Variants in COBL observed in about 807,000 individuals in gnomAD.
COBL encodes the protein protein cordon-bleu.
Under a neutral mutation model 98.8 loss-of-function variants are expected in COBL, and 51 were observed. That is an observed-to-expected ratio of 0.52 (90% CI 0.41 to 0.65). COBL has a LOEUF of 0.65. Ranked by LOEUF, COBL falls within the 30% of genes least tolerant of loss-of-function variation. The pLI, the probability that COBL is intolerant of heterozygous loss-of-function variation, is 0.00. For synonymous variants in COBL, 634 were observed against 651.7 expected (o/e 0.97, Z 0.41); for missense variants, 1,617 against 1,617.5 (o/e 1.00, Z 0.01).
intron 6 of COBL, among the ~76,000 whole-genome samples, chr7:51,088,035 G>A: frequency 6.7e-6 from 1 of 148,400 alleles, no homozygotes; most frequent in East Asian, 2.0e-4. Flanking sequence ...GATCCAGAGT[G>A]GGGCTCAATC....
At chr7:51,268,640 C>T (rs755818644) in intron 1 of COBL, among the ~76,000 whole-genome samples, 56 of 152,052 alleles carry the variant, frequency 3.7e-4, no homozygotes, top group Non-Finnish European at 7.5e-4. Context: ...GTGTCTTTAT[C>T]AGGCTCCCCA....
intron 7 of COBL, among the ~76,000 whole-genome samples, chr7:51,060,871 G>A (rs1562858249): frequency 6.6e-6 from 1 of 152,152 alleles, no homozygotes; most frequent in Non-Finnish European, 1.5e-5. Context: ...TGTTGGCTGG[G>A]TGACTGACCC....
In COBL at chr7:51,025,312, C is replaced by G; in HGVS notation, c.3565G>C (p.Gly1189Arg). ...SFRDAALSAQ[G>R]SESPLLEDLG... ...TCTTCTAGCAGAGGACTTTCCGAGC[C>G]CTGAGCAGAGAGTGCGGCATCTCGG... The change falls in exon 12 of 13, where the codon GGC (glycine) becomes CGC (arginine). Residue 1189 changes from glycine to arginine, a missense_variant. Physicochemically the swap from Gly to Arg is moderately radical, Grantham distance 125. Coordinates refer to ENST00000265136, the MANE Select transcript of COBL (RefSeq NM_015198.5). 1 of 1,612,780 alleles carries G rather than the reference C, an allele frequency of 6.2e-7. No homozygotes were observed. Among genetic ancestry groups the G allele is most frequent in the Non-Finnish European group, 8.5e-7 (1 of 1,179,670 alleles).
At chr7:51,079,626 T>C (rs1401973029) in intron 7 of COBL, among the ~76,000 whole-genome samples, 1 of 152,176 alleles carries the variant, frequency 6.6e-6, no homozygotes, top group Non-Finnish European at 1.5e-5. Context: ...GAATTCCCAC[T>C]GGAGGGAGTG....
chr7:51,166,111 T>A lies in COBL; in HGVS notation c.783+17991A>T, dbSNP rs1163796801. 2.0e-5 allele frequency among the ~76,000 whole-genome samples: 3 copies of A among 151,274 alleles called. No homozygotes were observed. The East Asian group carries it at 5.8e-4, about 29-fold the overall frequency. On this transcript the variant is annotated intron_variant, in intron 5 of 12. Coordinates refer to ENST00000265136, the MANE Select transcript of COBL (RefSeq NM_015198.5). ...AATTAGTAGGAAAAAGAAATAATAA[T>A]CAGAGCAGAAATAAATGAAATTAAA...
rs760225879 is a variant in COBL at position 51,219,816 on chromosome 7, G to A, written c.170C>T (p.Ala57Val). Reference sequence around the variant, plus strand: ...GACGTCCATGGTGCTGGCCCTCAGCGCCTCCTTCATGCGAACCAAGTTCTG... The same window carrying A: ...GACGTCCATGGTGCTGGCCCTCAGCACCTCCTTCATGCGAACCAAGTTCTG... ...SQQNLVRMKE[A>V]LRASTMDVTV... The change falls in exon 2 of 13, where the codon GCG becomes GTG. Residue 57 changes from alanine (A) to valine (V), a missense_variant. By Grantham distance (64) the Ala-to-Val change is moderately conservative. Coordinates refer to ENST00000265136, the MANE Select transcript of COBL (RefSeq NM_015198.5). The A allele has an allele frequency of 3.7e-6, 6 of 1,613,966 alleles. No homozygotes were observed. Among genetic ancestry groups the A allele is most frequent in the African/African-American group, 1.3e-5 (1 of 74,916 alleles).
At chr7:51,204,707 C>T (rs563215533) in intron 2 of COBL, among the ~76,000 whole-genome samples, 39 of 152,148 alleles carry the variant, frequency 2.6e-4, no homozygotes, top group African/African-American at 8.2e-4. Flanking sequence ...TGCACCACCA[C>T]GCCCAGCTAA....
chr7:51,275,606 C>T (rs1584378957), intron 1 of COBL, among the ~76,000 whole-genome samples: 1 of 152,018 alleles, frequency 6.6e-6, no homozygotes, highest in South Asian at 2.1e-4. Context: ...GCCACCACCA[C>T]CACCGCCACT....
chr7:51,233,022 T>C (rs906943764), intron 1 of COBL, among the ~76,000 whole-genome samples: 1 of 152,168 alleles, frequency 6.6e-6, no homozygotes, highest in Non-Finnish European at 1.5e-5. Flanking sequence ...ATAATGGTCA[T>C]GACAAATAGT....
intron 2 of COBL, among the ~76,000 whole-genome samples, chr7:51,206,443 G>C (rs149146318): frequency 4.3e-4 from 64 of 147,322 alleles, no homozygotes; most frequent in African/African-American, 1.6e-3. Flanking sequence ...ACTGAGCCGA[G>C]ATCGCGCCAC....
At chr7:51,249,559 A>C (rs1334421329) in intron 1 of COBL, among the ~76,000 whole-genome samples, 1 of 152,134 alleles carries the variant, frequency 6.6e-6, no homozygotes, top group Non-Finnish European at 1.5e-5. Flanking sequence ...AAATTTTGTA[A>C]CTTCTCTTCT....
At chr7:51,043,869 G>A (rs1789441544) in intron 7 of COBL, among the ~76,000 whole-genome samples, 177 bp from the exon 8 acceptor site, 1 of 152,202 alleles carries the variant, frequency 6.6e-6, no homozygotes, top group African/African-American at 2.4e-5. Flanking sequence ...TTAACTCACA[G>A]GGAGTCATTT....
At chr7:51,141,072 T>G (rs1420542352) in intron 5 of COBL, among the ~76,000 whole-genome samples, 4 of 151,820 alleles carry the variant, frequency 2.6e-5, no homozygotes, top group South Asian at 2.1e-4. Context: ...CACAATACAC[T>G]TCCAGGGACA....
At chr7:51,065,061 C>T (rs1281894984) in intron 7 of COBL, 9 of 639,262 alleles carry the variant, frequency 1.4e-5, no homozygotes, top group African/African-American at 5.4e-5. Flanking sequence ...TCAGGAGGAA[C>T]ATTTAGAAGT....
chr7:51,224,048 T>A (rs999572306), intron 1 of COBL, among the ~76,000 whole-genome samples: 1 of 152,228 alleles, frequency 6.6e-6, no homozygotes, highest in African/African-American at 2.4e-5. Context: ...CTTACTATTG[T>A]GTTACACTTG....
intron 8 of COBL, chr7:51,034,138 G>C (rs987866871): frequency 2.0e-5 from 3 of 152,540 alleles, no homozygotes; most frequent in Non-Finnish European, 4.4e-5. Context: ...AGGTTGCCCC[G>C]GACGCTGCTG....
At chr7:51,293,430 A>G (rs977413382) in intron 1 of COBL, among the ~76,000 whole-genome samples, 4 of 152,256 alleles carry the variant, frequency 2.6e-5, no homozygotes, top group Admixed American at 6.5e-5. Context: ...AGGGATGAAC[A>G]ATAGAGACAC....
At chr7:51,260,297 T>C in intron 1 of COBL, 1 of 469,672 alleles carries the variant, frequency 2.1e-6, no homozygotes, top group Non-Finnish European at 3.7e-6. Flanking sequence ...GTCTATCTCA[T>C]TTATAGAACA....
chr7:51,035,068 T>TG (rs1788504119), intron 8 of COBL: 1 of 152,216 alleles, frequency 6.6e-6, no homozygotes, highest in African/African-American at 2.4e-5. Flanking sequence ...CCTGCGTCCT[T>TG]GGGCCCAGCC....
Sources: allele counts gnomAD v4.1 joint callset (sites outside exome capture counted in the v4.1 genomes callset), GRCh38; gene constraint gnomAD v4.1.1; transcripts MANE v1.5; gene names NCBI Gene and HGNC (gene_info 2026-07-23, HGNC 2026-07-21).